Variants in SRGAP1 observed in about 807,000 individuals in gnomAD.
SRGAP1 encodes SLIT-ROBO Rho GTPase activating protein 1, also known as SLIT-ROBO Rho GTPase-activating protein 1.
Under a neutral mutation model 121.9 loss-of-function variants are expected in SRGAP1, and 43 were observed. The observed-to-expected ratio is 0.35, with a 90% CI of 0.28 to 0.46. SRGAP1 has a LOEUF of 0.46. SRGAP1 is among the 20% of genes least tolerant of loss of function. SRGAP1 has a pLI of 1.00. For synonymous variants in SRGAP1, 447 were observed against 485.4 expected (o/e 0.92, Z 1.04); for missense variants, 1,102 against 1,350.9 (o/e 0.82, Z 2.89).
At chr12:64,125,826 T>C (rs2036678282) in intron 18 of SRGAP1, 151 bp from the exon 19 acceptor site, 1 of 639,452 alleles carries the variant, frequency 1.6e-6, no homozygotes, top group East Asian at 3.1e-5. Flanking sequence ...GCCTCTATTT[T>C]CTCCTGCCTT....
At chr12:63,945,550 A>G (rs1177134035) in intron 1 of SRGAP1, among the ~76,000 whole-genome samples, 3 of 151,988 alleles carry the variant, frequency 2.0e-5, no homozygotes, top group South Asian at 2.1e-4. Context: ...ACTGCTCCAC[A>G]TCTTGGAGAA....
chr12:63,925,107 A>G (rs2031209166), intron 1 of SRGAP1, among the ~76,000 whole-genome samples: 1 of 152,198 alleles, frequency 6.6e-6, no homozygotes, highest in African/African-American at 2.4e-5. Context: ...TAAAGTGAGT[A>G]TGATTTGTTT....
chr12:64,030,786 T>C (rs2034760222), intron 4 of SRGAP1, among the ~76,000 whole-genome samples: 1 of 152,174 alleles, frequency 6.6e-6, no homozygotes, highest in African/African-American at 2.4e-5. Flanking sequence ...GATATCCCTG[T>C]ATAAGGTTCA....
intron 1 of SRGAP1, among the ~76,000 whole-genome samples, chr12:63,903,730 G>T (rs543934833): frequency 6.6e-6 from 1 of 152,152 alleles, no homozygotes; most frequent in South Asian, 2.1e-4. Flanking sequence ...CGCCTCTCAG[G>T]TTCAAGCAAT....
chr12:63,951,640 A>G (rs141937908), intron 1 of SRGAP1, among the ~76,000 whole-genome samples: 185 of 152,342 alleles, frequency 1.2e-3, no homozygotes, highest in African/African-American at 3.1e-3. Context: ...TACAAGAAAC[A>G]GATTAAACTT....
intron 4 of SRGAP1, among the ~76,000 whole-genome samples, chr12:64,041,414 T>G (rs2035021353): frequency 6.6e-6 from 1 of 151,438 alleles, no homozygotes; most frequent in Non-Finnish European, 1.5e-5. Flanking sequence ...AGGCAAGGTC[T>G]CACTCTGTCA....
intron 1 of SRGAP1, among the ~76,000 whole-genome samples, chr12:63,965,772 A>G (rs1001698303): frequency 2.0e-5 from 3 of 152,220 alleles, no homozygotes; most frequent in Non-Finnish European, 4.4e-5. Flanking sequence ...ATTTTCTACA[A>G]TAAGCATGTT....
Position 63,957,038 on chromosome 12 carries a change from G to GT in SRGAP1, c.68-26908dup, listed in dbSNP as rs554078793. On this transcript the variant is annotated intron_variant, in intron 1 of 21. Transcript: ENST00000355086. ...TGAAGGTTCATCCATGTTGTAGCAT[G>GT]TACCAGTACTTCATTCCTTTTTATT... Among the ~76,000 whole-genome samples, 352 of 152,268 alleles carry GT rather than the reference G, an allele frequency of 2.3e-3. 1 individual carries two copies. Among genetic ancestry groups the GT allele is most frequent in the African/African-American group, 8.1e-3 (338 of 41,558 alleles).
intron 1 of SRGAP1, among the ~76,000 whole-genome samples, chr12:63,862,868 G>A (rs1326373592): frequency 6.6e-6 from 1 of 152,172 alleles, no homozygotes; most frequent in Non-Finnish European, 1.5e-5. Flanking sequence ...TCAAGCACCA[G>A]GGGAGATTCC....
intron 1 of SRGAP1, among the ~76,000 whole-genome samples, chr12:63,941,498 A>G (rs571573041): frequency 6.6e-6 from 1 of 152,300 alleles, no homozygotes; most frequent in South Asian, 2.1e-4. Flanking sequence ...CATACATAAG[A>G]GGTGAAGCTC....
chr12:63,881,239 A>G (rs1247477676), intron 1 of SRGAP1, among the ~76,000 whole-genome samples: 2 of 152,220 alleles, frequency 1.3e-5, no homozygotes, highest in Non-Finnish European at 2.9e-5. Flanking sequence ...TGCATGGACT[A>G]TTACAGATCA....
chr12:63,921,333 C>T (rs2031034512), intron 1 of SRGAP1, among the ~76,000 whole-genome samples: 1 of 152,192 alleles, frequency 6.6e-6, no homozygotes, highest in South Asian at 2.1e-4. Flanking sequence ...CACTTTGAAC[C>T]TCCAAGTTCA....
chr12:64,131,443 G>A (rs924274303), intron 21 of SRGAP1, among the ~76,000 whole-genome samples: 5 of 152,200 alleles, frequency 3.3e-5, no homozygotes, highest in East Asian at 1.9e-4. Flanking sequence ...TGCACTGCTC[G>A]AAGTTCTGCC....
In SRGAP1 at chr12:64,143,849, G is replaced by C. The variant is rs1441259870; in HGVS notation, c.*1177G>C. 6.6e-6 allele frequency: 1 copy of C among 152,110 alleles called. No individual in the cohort carries two copies. Among genetic ancestry groups the C allele is most frequent in the Non-Finnish European group, 1.5e-5 (1 of 68,066 alleles). The allele number at this position is 152,110 out of a possible 1,614,324, so 9.4% of individuals were successfully genotyped here. A position where few individuals can be genotyped will look rare whatever the true frequency, so the allele number is the denominator to read the frequency against. The stretch of plus-strand genomic sequence containing the variant: ...GAAATCCCAACTGTCCTCTCCATTT[G>C]TCTTTGAGCCAACCCTGAACTGGCC... On this transcript the variant is annotated 3_prime_UTR_variant, in exon 22 of 22. Transcript: ENST00000355086.
At chr12:64,112,321 C>G (rs2036442915) in intron 17 of SRGAP1, among the ~76,000 whole-genome samples, 1 of 152,138 alleles carries the variant, frequency 6.6e-6, no homozygotes, top group East Asian at 1.9e-4. Context: ...ATTTTTCAGT[C>G]TAAATCAAAG....
At chr12:63,900,204 C>CTTTTTTTTCTTTTTTTTTT (rs755464707) in intron 1 of SRGAP1, among the ~76,000 whole-genome samples, 166 of 87,544 alleles carry the variant, frequency 1.9e-3, no homozygotes, top group Non-Finnish European at 2.8e-3. Flanking sequence ...TTTTCTTTTT[C>CTTTTTTTTCTTTTTTTTTT]TTTTTTTTTT....
intron 1 of SRGAP1, among the ~76,000 whole-genome samples, chr12:63,953,133 G>A (rs2032349282): frequency 6.6e-6 from 1 of 152,110 alleles, no homozygotes; most frequent in Admixed American, 6.5e-5. Flanking sequence ...TCCAGAGCTT[G>A]TACCGTTTCC....
chr12:64,077,093 C>T (rs17100077), intron 8 of SRGAP1, among the ~76,000 whole-genome samples: 17,854 of 152,104 alleles, frequency 0.12, 1,264 homozygotes, highest in South Asian at 0.31. Context: ...AGATATATTA[C>T]AGTGAAATTG....
At chr12:63,983,239 C>G (rs2136407546) in intron 1 of SRGAP1, 1 of 152,248 alleles carries the variant, frequency 6.6e-6, no homozygotes. Context: ...GGTTCAGAGC[C>G]TGGAAGAAAT....
Sources: gnomAD v4.1 joint callset for allele counts (sites outside exome capture counted in the v4.1 genomes callset) on GRCh38, gnomAD v4.1.1 for gene constraint, MANE v1.5 for transcripts, NCBI Gene and HGNC (gene_info 2026-07-23, HGNC 2026-07-21) for gene names.